LOC112694756: variants seen among roughly 807,000 people sequenced by gnomAD.
At chr16:30,067,143 T>A in the LOC112694756 span, 2 of 1,589,242 alleles carry the variant, frequency 1.3e-6, no homozygotes, top group African/African-American at 1.3e-5. Context: ...TAGGGAACAT[T>A]TCCCTGACCT....
the LOC112694756 span, among the ~76,000 whole-genome samples, chr16:30,065,330 C>G: frequency 1.3e-5 from 2 of 152,328 alleles, no homozygotes; most frequent in East Asian, 3.9e-4. Context: ...GTGACACGCG[C>G]TGCAGCCGCG....
the LOC112694756 span, chr16:30,065,627 G>T: frequency 6.6e-6 from 1 of 152,254 alleles, no homozygotes; most frequent in Admixed American, 6.5e-5. Context: ...GCGGCCTCTG[G>T]GCTGCGCCTC....
At chr16:30,056,142 C>T in the LOC112694756 span, among the ~76,000 whole-genome samples, 1 of 142,336 alleles carries the variant, frequency 7.0e-6, no homozygotes, top group Non-Finnish European at 1.5e-5. Context: ...CGGAGTCTCG[C>T]TCTGTTGCCT....
chr16:30,062,444 A>T, the LOC112694756 span, among the ~76,000 whole-genome samples: 1 of 151,424 alleles, frequency 6.6e-6, no homozygotes, highest in Non-Finnish European at 1.5e-5. Flanking sequence ...AGGCAGGAGA[A>T]TCGCTTGAAC....
At chr16:30,056,265 C>A in the LOC112694756 span, among the ~76,000 whole-genome samples, 1 of 150,774 alleles carries the variant, frequency 6.6e-6, no homozygotes, top group African/African-American at 2.4e-5. Context: ...TGTGCCACCA[C>A]GCCCAGCTAA....
the LOC112694756 span, chr16:30,055,170 A>G: frequency 5.0e-6 from 2 of 399,062 alleles, no homozygotes; most frequent in Non-Finnish European, 8.8e-6. Context: ...CCTGTGACCT[A>G]GGCCCAGGGC....
the LOC112694756 span, chr16:30,069,263 T>C: frequency 6.2e-7 from 1 of 1,603,062 alleles, no homozygotes; most frequent in East Asian, 2.2e-5. Flanking sequence ...GGTGGGACTC[T>C]GGGTTAGGAG....
the LOC112694756 span, among the ~76,000 whole-genome samples, chr16:30,061,258 C>T: frequency 6.6e-6 from 1 of 152,272 alleles, no homozygotes; most frequent in Non-Finnish European, 1.5e-5. Context: ...ACATTGTTTC[C>T]TCCAGGAGCT....
chr16:30,070,308 C>T, the LOC112694756 span: 326 of 1,219,988 alleles, frequency 2.7e-4, no homozygotes, highest in Middle Eastern at 1.1e-3. Context: ...GGCTGGCTTG[C>T]CCGCGCTCTT....
chr16:30,066,799 G>A, the LOC112694756 span: 5 of 1,431,068 alleles, frequency 3.5e-6, no homozygotes, highest in Non-Finnish European at 3.8e-6. Flanking sequence ...TCCCATATCT[G>A]GGCCCTTTCC....
chr16:30,067,802 A>G, the LOC112694756 span: 1 of 918,762 alleles, frequency 1.1e-6, no homozygotes, highest in African/African-American at 1.6e-5. Flanking sequence ...CATTTACTCG[A>G]CATTTTTAAT....
chr16:30,069,066 C>T, the LOC112694756 span: 1 of 1,585,338 alleles, frequency 6.3e-7, no homozygotes, highest in Non-Finnish European at 8.6e-7. Context: ...TGATGCCTAC[C>T]TCCCCAAAAG....
the LOC112694756 span, among the ~76,000 whole-genome samples, chr16:30,053,769 G>A: frequency 1.3e-5 from 2 of 152,166 alleles, no homozygotes; most frequent in Non-Finnish European, 2.9e-5. Context: ...GGGGTGAGAG[G>A]GAGGCTGCAG....
the LOC112694756 span, chr16:30,069,170 T>G: frequency 7.5e-7 from 1 of 1,326,726 alleles, no homozygotes; most frequent in Non-Finnish European, 1.1e-6. Flanking sequence ...GCGGCTCTTG[T>G]CTCCTGTAAT....
the LOC112694756 span, chr16:30,070,394 TAAAC>T: frequency 4.9e-5 from 31 of 633,742 alleles, no homozygotes; most frequent in Non-Finnish European, 8.2e-5. Context: ...CACTGCCAAA[TAAAC>T]AGCTATTTAA....
At chr16:30,065,050 C>A in the LOC112694756 span, among the ~76,000 whole-genome samples, 2 of 152,248 alleles carry the variant, frequency 1.3e-5, no homozygotes, top group African/African-American at 4.8e-5. Flanking sequence ...TTCTGTGGCG[C>A]AGAGGACTAC....
At chr16:30,057,334 G>C in the LOC112694756 span, among the ~76,000 whole-genome samples, 2 of 152,172 alleles carry the variant, frequency 1.3e-5, no homozygotes, top group Non-Finnish European at 2.9e-5. Flanking sequence ...AAGTTTAGTG[G>C]CTTCTCCAGA....
At chr16:30,062,274 C>T in the LOC112694756 span, among the ~76,000 whole-genome samples, 1 of 152,324 alleles carries the variant, frequency 6.6e-6, no homozygotes, top group East Asian at 1.9e-4. Flanking sequence ...TGGCGCATGC[C>T]TGTAATCCCA....
the LOC112694756 span, among the ~76,000 whole-genome samples, chr16:30,059,748 A>C: frequency 6.6e-6 from 1 of 151,302 alleles, no homozygotes; most frequent in African/African-American, 2.4e-5. Flanking sequence ...TTTTTAGTAG[A>C]GACAGGTTTT....
Sources: allele counts gnomAD v4.1 joint callset (sites outside exome capture counted in the v4.1 genomes callset), GRCh38; gene constraint gnomAD v4.1.1; transcripts MANE v1.5.